ATP8A2: variants seen among roughly 807,000 people sequenced by gnomAD.
ATP8A2 encodes phospholipid-transporting ATPase IB.
Under a neutral mutation model 165.6 loss-of-function variants are expected in ATP8A2, and 100 were observed. The ratio of observed to expected loss-of-function variants is 0.60; its 90% CI spans 0.51 to 0.71. ATP8A2 has a LOEUF of 0.71. ATP8A2 is among the 30% of genes least tolerant of loss of function. The pLI is 0.00. For missense variants in ATP8A2, 1,227 were observed against 1,479.5 expected (o/e 0.83, Z 2.80); for synonymous variants, 543 against 548.8 (o/e 0.99, Z 0.15).
chr13:25,533,255 T>C lies in ATP8A2; in HGVS notation c.467-18T>C. 1.4e-6 allele frequency: 2 copies of C among 1,388,208 alleles called. No individual in the cohort carries two copies. Among genetic ancestry groups the C allele is most frequent in the Non-Finnish European group, 2.0e-6 (2 of 986,706 alleles). 86.0% of individuals were successfully genotyped at this position (1,388,208 alleles called of 1,614,324 possible). A position where few individuals can be genotyped will look rare whatever the true frequency, so the allele number is the denominator to read the frequency against. ...TTAACACCAGTATTAACCAATATTT[T>C]ATTTTTCTCTTTTTCAGTGTTAAGA... On this transcript the variant is annotated intron_variant, in intron 5 of 36. Transcript: ENST00000381655.
chr13:25,982,621 A>G (rs529229559), intron 35 of ATP8A2, among the ~76,000 whole-genome samples: 2 of 152,336 alleles, frequency 1.3e-5, no homozygotes, highest in African/African-American at 4.8e-5. Context: ...TCTTGGACCC[A>G]TAAACTATGT....
At chr13:25,701,060 G>A (rs995386612) in intron 25 of ATP8A2, among the ~76,000 whole-genome samples, 8 of 152,030 alleles carry the variant, frequency 5.3e-5, no homozygotes, top group African/African-American at 1.9e-4. Flanking sequence ...TATTATTGAG[G>A]TATAAGGGTT....
intron 25 of ATP8A2, among the ~76,000 whole-genome samples, chr13:25,712,557 A>C (rs1025882386): frequency 2.0e-4 from 30 of 152,230 alleles, no homozygotes; most frequent in African/African-American, 6.8e-4. Flanking sequence ...TCCATGTGCT[A>C]CTGATAGCAG....
chr13:25,805,898 A>ATAT (rs1489616858), intron 27 of ATP8A2, among the ~76,000 whole-genome samples: 11 of 152,156 alleles, frequency 7.2e-5, no homozygotes, highest in Non-Finnish European at 1.3e-4. Flanking sequence ...CATGGTAGGT[A>ATAT]TATCCAGTAT....
At chr13:25,880,970 C>A in intron 33 of ATP8A2, 1 of 456,406 alleles carries the variant, frequency 2.2e-6, no homozygotes, top group Admixed American at 2.4e-5. Context: ...TCTGTTGAAG[C>A]AGCCAAAGAT....
chr13:25,379,447 C>T (rs1016485906), intron 1 of ATP8A2, among the ~76,000 whole-genome samples: 10 of 152,122 alleles, frequency 6.6e-5, no homozygotes, highest in Non-Finnish European at 1.5e-4. Flanking sequence ...ATGTTAATAT[C>T]GGGGAGCAGT....
At chr13:25,514,172 C>T (rs745515107) in intron 2 of ATP8A2, among the ~76,000 whole-genome samples, 15 of 152,116 alleles carry the variant, frequency 9.9e-5, no homozygotes, top group African/African-American at 1.9e-4. Context: ...GTTAGGCTAG[C>T]GTACTTCCAA....
intron 33 of ATP8A2, 136 bp from the exon 34 acceptor site, chr13:25,961,439 G>A (rs1955657763): frequency 3.0e-6 from 2 of 673,286 alleles, no homozygotes; most frequent in Non-Finnish European, 5.2e-6. Flanking sequence ...GGTCCTGCCA[G>A]TGCATGGGTT....
At chr13:25,872,110 C>G (rs1390227063) in intron 33 of ATP8A2, among the ~76,000 whole-genome samples, 3 of 149,150 alleles carry the variant, frequency 2.0e-5, no homozygotes, top group Admixed American at 1.4e-4. Flanking sequence ...TCTTTGCCAC[C>G]TCTAGGGTCT....
intron 24 of ATP8A2, among the ~76,000 whole-genome samples, chr13:25,659,497 T>C (rs1359683299): frequency 6.6e-6 from 1 of 152,164 alleles, no homozygotes; most frequent in Non-Finnish European, 1.5e-5. Context: ...TCCCAGGGGC[T>C]TGCCCTGAGA....
chr13:25,523,204 A>T (rs1257297125), intron 2 of ATP8A2, among the ~76,000 whole-genome samples: 1 of 151,448 alleles, frequency 6.6e-6, no homozygotes, highest in Admixed American at 6.6e-5. Context: ...TATCAGGGTA[A>T]TGCTGGCCTC....
intron 1 of ATP8A2, among the ~76,000 whole-genome samples, chr13:25,440,371 C>A (rs1188507176): frequency 6.6e-6 from 1 of 152,134 alleles, no homozygotes; most frequent in Admixed American, 6.5e-5. Flanking sequence ...TCCCTCCCTG[C>A]CATTAGACAT....
At chr13:25,530,778 G>A (rs1170235476) in intron 4 of ATP8A2, 118 bp downstream of exon 4, 1 of 647,552 alleles carries the variant, frequency 1.5e-6, no homozygotes, top group African/African-American at 1.8e-5. Flanking sequence ...AGCCTCTTTA[G>A]ACACCTGATG....
chr13:25,906,430 A>G (rs1479459373), intron 33 of ATP8A2, among the ~76,000 whole-genome samples: 2 of 151,914 alleles, frequency 1.3e-5, no homozygotes, highest in Non-Finnish European at 2.9e-5. Context: ...AGGTAACTCT[A>G]CCCAGTCTTC....
intron 10 of ATP8A2, among the ~76,000 whole-genome samples, chr13:25,551,053 A>T (rs780969082): frequency 3.9e-5 from 6 of 152,172 alleles, no homozygotes; most frequent in Non-Finnish European, 8.8e-5. Flanking sequence ...TAAGATAAGG[A>T]AAGTGACAAT....
intron 2 of ATP8A2, among the ~76,000 whole-genome samples, chr13:25,502,922 T>C (rs531023646): frequency 7.9e-5 from 12 of 152,212 alleles, no homozygotes; most frequent in Non-Finnish European, 1.5e-4. Flanking sequence ...AGAGGCATTG[T>C]CAAACCTGAG....
intron 1 of ATP8A2, among the ~76,000 whole-genome samples, chr13:25,425,208 C>T (rs75186592): frequency 0.02 from 3,087 of 152,158 alleles, 76 homozygotes; most frequent in East Asian, 0.11. Flanking sequence ...CTTATACTAT[C>T]ATTAGAGCAC....
chr13:25,943,067 C>T (rs1290542935), intron 33 of ATP8A2, among the ~76,000 whole-genome samples: 2 of 152,088 alleles, frequency 1.3e-5, no homozygotes, highest in Non-Finnish European at 2.9e-5. Context: ...CCTTGTGCTG[C>T]TCTGTGTGCT....
chr13:25,707,296 A>G (rs1307701675), intron 25 of ATP8A2, among the ~76,000 whole-genome samples: 1 of 152,222 alleles, frequency 6.6e-6, no homozygotes, highest in Non-Finnish European at 1.5e-5. Context: ...GGCAATTCTC[A>G]TCTTAAATAC....
Sources: gnomAD v4.1 joint callset for allele counts (sites outside exome capture counted in the v4.1 genomes callset) on GRCh38, gnomAD v4.1.1 for gene constraint, MANE v1.5 for transcripts, NCBI Gene and HGNC (gene_info 2026-07-23, HGNC 2026-07-21) for gene names.